The following EYA4 variants were observed in gnomAD, a reference collection of about 807,000 sequenced individuals.
EYA4 encodes the protein EYA transcriptional coactivator and phosphatase 4.
In EYA4, 31 loss-of-function variants were observed where a neutral mutation model predicts 87.9. The observed-to-expected ratio is 0.35, with a 90% CI of 0.27 to 0.48. The LOEUF (loss-of-function observed/expected upper bound fraction) is 0.48, where lower values mean the gene tolerates loss of function less well. Among genes scored for constraint, EYA4 ranks in the 20% least tolerant of loss-of-function variants. The pLI is 0.99. For missense variants in EYA4, 678 were observed against 761.4 expected, an observed-to-expected ratio of 0.89 and a Z score of 1.29; for synonymous variants, 263 against 270.6, an observed-to-expected ratio of 0.97 and a Z score of 0.28.
chr6:133,333,289 C>T (rs886784512), intron 2 of EYA4, among the ~76,000 whole-genome samples: 1 of 152,088 alleles, frequency 6.6e-6, no homozygotes, highest in Non-Finnish European at 1.5e-5. Flanking sequence ...GAGATGAGAA[C>T]GTAACAATTT....
At chr6:133,306,067 C>T (rs922521830) in intron 2 of EYA4, among the ~76,000 whole-genome samples, 5 of 152,072 alleles carry the variant, frequency 3.3e-5, no homozygotes, top group Admixed American at 6.6e-5. Context: ...ACCACTTTTC[C>T]TGGCGGTTTT....
intron 13 of EYA4, among the ~76,000 whole-genome samples, chr6:133,499,820 A>G (rs1220118842): frequency 6.6e-6 from 1 of 151,970 alleles, no homozygotes; most frequent in Non-Finnish European, 1.5e-5. Flanking sequence ...CCGAGAAATT[A>G]TACTAAGCCA....
intron 1 of EYA4, among the ~76,000 whole-genome samples, chr6:133,271,826 C>A (rs1776715306): frequency 6.6e-6 from 1 of 152,104 alleles, no homozygotes; most frequent in African/African-American, 2.4e-5. Flanking sequence ...CAGAATGGGT[C>A]ATCCTATCCA....
At chr6:133,339,952 C>T (rs958357910) in intron 2 of EYA4, among the ~76,000 whole-genome samples, 2 of 152,066 alleles carry the variant, frequency 1.3e-5, no homozygotes, top group South Asian at 2.1e-4. Flanking sequence ...TACAGAGGTG[C>T]ATAAAGTAGT....
At chr6:133,334,905 A>G (rs1782248453) in intron 2 of EYA4, among the ~76,000 whole-genome samples, 1 of 152,218 alleles carries the variant, frequency 6.6e-6, no homozygotes, top group South Asian at 2.1e-4. Context: ...AGCCAGCTAC[A>G]TATAGCTACA....
chr6:133,407,737 G>GA (rs3836962), intron 3 of EYA4, among the ~76,000 whole-genome samples: 52,278 of 150,586 alleles, frequency 0.35, 9,166 homozygotes, highest in East Asian at 0.42. Context: ...TAATTTTCAG[G>GA]AAAAAAAAAT....
chr6:133,481,706 T>C lies in EYA4; in HGVS notation c.1107+107T>C, dbSNP rs915538705. The C allele has an allele frequency of 2.3e-6, 3 of 1,286,610 alleles. No individual in the cohort carries two copies. The African/African-American group carries it at 4.4e-5, about 19-fold the overall frequency. 79.7% of individuals were successfully genotyped at this position (1,286,610 alleles called of 1,614,324 possible). A position where few individuals can be genotyped will look rare whatever the true frequency, so the allele number is the denominator to read the frequency against. ...TGTTTCAAATTTAAAAATCAAGATA[T>C]ATCATGAATTGAATGGAACTACTTT... On this transcript the variant is annotated intron_variant, in intron 12 of 19. Coordinates refer to ENST00000355286, the MANE Select transcript of EYA4 (RefSeq NM_004100.5).
intron 2 of EYA4, among the ~76,000 whole-genome samples, chr6:133,328,918 G>A (rs975845136): frequency 4.6e-5 from 7 of 152,022 alleles, no homozygotes; most frequent in East Asian, 3.9e-4. Context: ...TAAACAAATC[G>A]AAATTAAATT....
chr6:133,359,115 A>T (rs543097484), intron 2 of EYA4, among the ~76,000 whole-genome samples: 1 of 152,354 alleles, frequency 6.6e-6, no homozygotes, highest in South Asian at 2.1e-4. Context: ...CTGACAAAAG[A>T]TACAGAATCC....
intron 1 of EYA4, among the ~76,000 whole-genome samples, chr6:133,260,892 C>G (rs2128242176): frequency 6.6e-6 from 1 of 152,272 alleles, no homozygotes; most frequent in Non-Finnish European, 1.5e-5. Context: ...TGGATTGCCT[C>G]TTGCTTTTGC....
chr6:133,363,381 C>T (rs1017654216), intron 2 of EYA4: 7 of 152,198 alleles, frequency 4.6e-5, no homozygotes, highest in Non-Finnish European at 1.0e-4. Flanking sequence ...CCTTGGAGTT[C>T]TGGACTCACA....
chr6:133,523,011 A>T, intron 17 of EYA4, 45 bp from the exon 18 acceptor site: 1 of 1,517,492 alleles, frequency 6.6e-7, no homozygotes, highest in Non-Finnish European at 9.1e-7. Flanking sequence ...ATTAGAAGTT[A>T]TTTAGTATTA....
intron 2 of EYA4, among the ~76,000 whole-genome samples, chr6:133,365,201 A>C (rs977112220): frequency 1.3e-5 from 2 of 152,152 alleles, no homozygotes; most frequent in African/African-American, 4.8e-5. Context: ...TAAACTGCTC[A>C]CCAAGCGCCC....
chr6:133,506,936 C>T (rs997853855), intron 14 of EYA4, among the ~76,000 whole-genome samples: 1 of 152,094 alleles, frequency 6.6e-6, no homozygotes, highest in Non-Finnish European at 1.5e-5. Flanking sequence ...AGTTCAGGTT[C>T]TTGGCAGAAG....
chr6:133,304,097 A>G (rs1024753181), intron 2 of EYA4, among the ~76,000 whole-genome samples: 1 of 152,142 alleles, frequency 6.6e-6, no homozygotes, highest in African/African-American at 2.4e-5. Context: ...GATGAGTATG[A>G]TATTATTGCT....
intron 2 of EYA4, among the ~76,000 whole-genome samples, chr6:133,305,637 C>T (rs958293732): frequency 6.6e-6 from 1 of 152,078 alleles, no homozygotes; most frequent in African/African-American, 2.4e-5. Flanking sequence ...TATCATTTAG[C>T]CAAGAGCATT....
chr6:133,509,242 A>C (rs1177823346), intron 14 of EYA4, among the ~76,000 whole-genome samples: 4 of 151,918 alleles, frequency 2.6e-5, no homozygotes, highest in Admixed American at 2.6e-4. Context: ...ATTTCAATAA[A>C]CCTCTTACAG....
intron 2 of EYA4, among the ~76,000 whole-genome samples, chr6:133,286,785 T>C (rs956855574): frequency 1.3e-5 from 2 of 152,248 alleles, no homozygotes; most frequent in Non-Finnish European, 2.9e-5. Context: ...CATTTTTTCA[T>C]TGCTTTGTTT....
intron 11 of EYA4, among the ~76,000 whole-genome samples, chr6:133,472,920 TG>T (rs1795398896): frequency 6.6e-6 from 1 of 151,506 alleles, no homozygotes; most frequent in Admixed American, 6.6e-5. Flanking sequence ...TTGCAACCCC[TG>T]CCTTTTTTTG....
Sources: gnomAD v4.1 joint callset for allele counts (sites outside exome capture counted in the v4.1 genomes callset) on GRCh38, gnomAD v4.1.1 for gene constraint, MANE v1.5 for transcripts, NCBI Gene and HGNC (gene_info 2026-07-23, HGNC 2026-07-21) for gene names.